The following HOOK2 variants were observed in gnomAD, a reference collection of about 807,000 sequenced individuals.
The protein encoded by HOOK2 is protein Hook homolog 2.
In HOOK2, 108 loss-of-function variants were observed where a neutral mutation model predicts 111.9. That is an observed-to-expected ratio of 0.96 (90% CI 0.83 to 1.13). The LOEUF (loss-of-function observed/expected upper bound fraction) is 1.13. HOOK2 is among the 50% of genes most tolerant of loss of function. The pLI, the probability that HOOK2 is intolerant of heterozygous loss-of-function variation, is 0.00. For missense variants in HOOK2, 978 were observed against 951.3 expected (o/e 1.03, Z -0.37); for synonymous variants, 405 against 394.3 (o/e 1.03, Z -0.32).
In HOOK2 at chr19:12,774,892, C is replaced by G. The variant is rs1427026361; in HGVS notation, c.51G>C (p.Gln17His). The G allele has an allele frequency of 9.3e-6, 15 of 1,613,602 alleles. No individual in the cohort carries two copies. Among genetic ancestry groups the G allele is most frequent in the Non-Finnish European group, 1.1e-5 (13 of 1,179,800 alleles). ...CACAGGGAGACGGAACGTGGAACGT[C>G]TGTAACTGAGGGGTAAAGGAAAGGA... ...ELCGSLLTWL[Q>H]TFHVPSPCAS... is the part of the protein sequence containing the mutation. The change falls in exon 2 of 23, where the codon CAG (glutamine) becomes CAC (histidine). Residue 17 changes from glutamine to histidine, a missense_variant. Gln to His is a conservative substitution (Grantham distance 24). Coordinates refer to ENST00000397668, the MANE Select transcript of HOOK2 (RefSeq NM_013312.3).
Position 12,786,300 on chromosome 19 carries a change from C to T in HOOK2, n.42-12075G>A, listed in dbSNP as rs1968655618. Among the ~76,000 whole-genome samples the T allele has an allele frequency of 6.6e-6, 1 of 152,124 alleles. No individual in the cohort carries two copies. Among genetic ancestry groups the T allele is most frequent in the African/African-American group, 2.4e-5 (1 of 41,438 alleles). ...TCGCCCTGGCCTGCCCACTGGCTGA[C>T]TCACAGGCAGCCCCCAGCCCAGTTT... is the stretch of plus-strand genomic sequence containing the variant. On this transcript the variant is annotated intron_variant and non_coding_transcript_variant, in intron 3 of 3. Coordinates refer to the HOOK2 transcript ENST00000589765. This position sits in a 1 kb window ranked among gnomAD's most constrained non-coding sequence, Gnocchi z 4.3.
At chr19:12,770,184 C>A in intron 10 of HOOK2, 102 bp from the exon 11 acceptor site, 1 of 1,071,710 alleles carries the variant, frequency 9.3e-7, no homozygotes, top group South Asian at 1.8e-5. Flanking sequence ...CAGCCTGAGG[C>A]TTTTGGGTTC....
Position 12,765,176 on chromosome 19 carries a change from G to A in HOOK2, c.1641-95C>T. The A allele has an allele frequency of 2.5e-6, 3 of 1,209,792 alleles. No homozygotes were observed. In the South Asian group the frequency reaches 3.7e-5, roughly 15 times the overall value. The allele number at this position is 1,209,792 out of a possible 1,614,324, so 74.9% of individuals were successfully genotyped here. A position where few individuals can be genotyped will look rare whatever the true frequency, so the allele number is the denominator to read the frequency against. ...ACAGACCTCCCCGCCAGCCAGAAAT[G>A]CCCCTACATGGCCACAGAGCCCTCT... is the stretch of plus-strand genomic sequence containing the variant. On this transcript the variant is annotated intron_variant, in intron 18 of 22. Coordinates refer to ENST00000397668, the MANE Select transcript of HOOK2 (RefSeq NM_013312.3).
chr19:12,788,868 G>A (rs1258575455), intron 3 of HOOK2, among the ~76,000 whole-genome samples: 1 of 152,138 alleles, frequency 6.6e-6, no homozygotes, highest in Non-Finnish European at 1.5e-5. Flanking sequence ...GGAGGGGGAG[G>A]GGAGCCATTC....
At chr19:12,787,562 G>A (rs1042315070) in intron 3 of HOOK2, among the ~76,000 whole-genome samples, 1 of 151,910 alleles carries the variant, frequency 6.6e-6, no homozygotes, top group Non-Finnish European at 1.5e-5. Context: ...AACCTGGGAG[G>A]TGGAGGTTGT....
In HOOK2 at chr19:12,769,879, A is replaced by G. The variant is rs968196415; in HGVS notation, c.1104+2T>C. ...CCGGCCCTAACCCCGCCCCCGCCGC[A>G]CCTGCCGCCGCTGCGCCTCCAGCTG... is the stretch of plus-strand genomic sequence containing the variant. On this transcript the variant is annotated splice_donor_variant, in intron 11 of 22. Transcript: ENST00000397668. LOFTEE classifies it high-confidence loss of function. The G allele has an allele frequency of 9.0e-6, 13 of 1,443,554 alleles. No homozygotes were observed. The highest frequency in any genetic ancestry group is 5.7e-5 in the Admixed American group (2 of 34,800). 89.4% of individuals were successfully genotyped at this position (1,443,554 alleles called of 1,614,324 possible). A position where few individuals can be genotyped will look rare whatever the true frequency, so the allele number is the denominator to read the frequency against.
chr19:12,781,811 G>T (rs1323391163), upstream of HOOK2, among the ~76,000 whole-genome samples: 1 of 151,462 alleles, frequency 6.6e-6, no homozygotes, highest in Non-Finnish European at 1.5e-5. Context: ...ACAAGCCCTG[G>T]TGTGCAAAAC....
intron 20 of HOOK2, 33 bp from the exon 21 acceptor site, chr19:12,763,811 T>C (rs746930971): frequency 7.1e-5 from 111 of 1,573,958 alleles, no homozygotes; most frequent in Admixed American, 4.2e-4. Context: ...CCAGGTGACT[T>C]TGGCCTTGAA....
rs367785052 is a variant in HOOK2 at position 12,764,908 on chromosome 19, C to T, written c.1733G>A (p.Arg578Gln). 6.2e-6 allele frequency: 10 copies of T among 1,614,078 alleles called. No individual in the cohort carries two copies. The highest frequency in any genetic ancestry group is 5.0e-5 in the Admixed American group (3 of 59,994). The stretch of plus-strand genomic sequence containing the variant: ...CAAGTTATGCTGCAGCTCCTCGATC[C>T]GCCGGGCTGCTGGCGGAAGAGGTGG... ...EPPTDSSTAR[R>Q]IEELQHNLQK... Residue 578 changes from arginine (R) to glutamine (Q), a missense_variant, in exon 20 of 23, where the codon CGG becomes CAG. This residue lies in a region of HOOK2 where 277 missense variants were observed against 265.8 expected (regional missense o/e 1.04). Transcript: ENST00000397668.
chr19:12,764,728 G>T, intron 20 of HOOK2, 86 bp downstream of exon 20: 1 of 1,108,592 alleles, frequency 9.0e-7, no homozygotes, highest in Non-Finnish European at 1.3e-6. Context: ...GGGCACAGAT[G>T]TGCAAGCAGG....
chr19:12,783,514 G>A (rs1424815857), intron 3 of HOOK2, among the ~76,000 whole-genome samples: 1 of 151,898 alleles, frequency 6.6e-6, no homozygotes, highest in Admixed American at 6.6e-5. Context: ...CCTCGAGCCT[G>A]GCCTCCTGGG....
chr19:12,776,204 T>A (rs1968504382), upstream of HOOK2, among the ~76,000 whole-genome samples: 1 of 151,252 alleles, frequency 6.6e-6, no homozygotes, highest in African/African-American at 2.4e-5. Flanking sequence ...TCTAACCACT[T>A]TATAATCGGA....
intron 3 of HOOK2, among the ~76,000 whole-genome samples, chr19:12,789,193 CAAAGAGAG>C (rs917120937): frequency 2.7e-4 from 39 of 146,224 alleles, no homozygotes; most frequent in African/African-American, 9.4e-4. Context: ...GAGAGAGAGA[CAAAGAGAG>C]AGAGAGAGAG....
At chr19:12,781,540 A>C (rs187968705), upstream of HOOK2, among the ~76,000 whole-genome samples, 2 of 151,808 alleles carry the variant, frequency 1.3e-5, no homozygotes, top group Middle Eastern at 3.4e-3. Context: ...GTTAGCCAGG[A>C]TGGTCTCGAT....
chr19:12,774,621 G>A (rs1367348291), intron 3 of HOOK2, 48 bp downstream of exon 3: 1 of 1,587,614 alleles, frequency 6.3e-7, no homozygotes, highest in East Asian at 2.2e-5. Flanking sequence ...GCCCGTCCCT[G>A]GTCATCTCTT....
intron 3 of HOOK2, among the ~76,000 whole-genome samples, chr19:12,789,126 G>A (rs1017874632): frequency 3.9e-5 from 6 of 152,060 alleles, no homozygotes; most frequent in African/African-American, 1.5e-4. Context: ...CTACCCTAAA[G>A]AAGAGAGAGG....
chr19:12,767,366 G>A, intron 14 of HOOK2, 29 bp downstream of exon 14: 1 of 1,600,458 alleles, frequency 6.2e-7, no homozygotes, highest in Non-Finnish European at 8.6e-7. Flanking sequence ...GCCTGGGTGG[G>A]GCCAGAGTTT....
At chr19:12,781,175 C>G (rs1366087063), upstream of HOOK2, among the ~76,000 whole-genome samples, 1 of 140,268 alleles carries the variant, frequency 7.1e-6, no homozygotes, top group Non-Finnish European at 1.5e-5. Flanking sequence ...TGGTGGCGGG[C>G]GCCTGTGGTC....
intron 3 of HOOK2, among the ~76,000 whole-genome samples, chr19:12,789,975 C>T (rs1447751481): frequency 1.3e-5 from 2 of 152,146 alleles, no homozygotes; most frequent in Admixed American, 1.3e-4. Context: ...GGAGAGACTT[C>T]GGGGGCCGGC....
Sources: allele counts gnomAD v4.1 joint callset (sites outside exome capture counted in the v4.1 genomes callset), GRCh38; gene constraint gnomAD v4.1.1; regional missense constraint gnomAD v4.1.1; non-coding constraint Gnocchi (gnomAD v3.1); transcripts MANE v1.5; gene names NCBI Gene and HGNC (gene_info 2026-07-23, HGNC 2026-07-21).